TPTE: variants seen among roughly 807,000 people sequenced by gnomAD.
TPTE encodes transmembrane phosphatase with tensin homology, also known as putative tyrosine-protein phosphatase TPTE.
TPTE carries 59 observed loss-of-function variants against 84.1 expected under a neutral mutation model. That is an observed-to-expected ratio of 0.70 (90% CI 0.57 to 0.87). The LOEUF is 0.87. TPTE is among the 40% of genes least tolerant of loss of function. The pLI is 0.00. For synonymous variants in TPTE, 130 were observed against 223.5 expected (o/e 0.58, Z 3.73); for missense variants, 382 against 659.6 (o/e 0.58, Z 4.61).
intron 7 of TPTE, among the ~76,000 whole-genome samples, chr21:10,551,155 CTCA>C (rs1241816324): frequency 2.0e-5 from 3 of 152,428 alleles, no homozygotes; most frequent in African/African-American, 7.2e-5. Flanking sequence ...AGGACATGAA[CTCA>C]TCATTTTTTC....
At chr21:10,552,160 G>T (rs534445619) in intron 7 of TPTE, among the ~76,000 whole-genome samples, 2 of 152,308 alleles carry the variant, frequency 1.3e-5, no homozygotes, top group Admixed American at 1.3e-4. Context: ...TTTAATTAAG[G>T]TATATACATA....
At chr21:10,557,201 T>C (rs1220686951) in intron 8 of TPTE, among the ~76,000 whole-genome samples, 1 of 152,282 alleles carries the variant, frequency 6.6e-6, no homozygotes, top group Non-Finnish European at 1.5e-5. Context: ...TTCGTGTTGC[T>C]TCATGTTGGA....
chr21:10,580,687 A>T (rs565515557), intron 17 of TPTE, among the ~76,000 whole-genome samples: 1 of 152,298 alleles, frequency 6.6e-6, no homozygotes, highest in Admixed American at 6.5e-5. Flanking sequence ...TGGGCTTTGT[A>T]TTCTGTTCCA....
At chr21:10,522,614 A>G (rs364227) in intron 1 of TPTE, among the ~76,000 whole-genome samples, 116,606 of 151,894 alleles carry the variant, frequency 0.77, 40,723 homozygotes, top group Non-Finnish European at 0.88. Context: ...CCAGTTTTTC[A>G]TTTGCTTATT....
At chr21:10,527,172 GAC>G (rs377575461) in intron 2 of TPTE, among the ~76,000 whole-genome samples, 181 bp from the exon 3 acceptor site, 12 of 127,704 alleles carry the variant, frequency 9.4e-5, no homozygotes, top group South Asian at 2.5e-4. Flanking sequence ...CACACACACA[GAC>G]ACACACACAC....
intron 21 of TPTE, among the ~76,000 whole-genome samples, chr21:10,600,950 C>T (rs1311972309): frequency 6.6e-6 from 1 of 152,312 alleles, no homozygotes; most frequent in Non-Finnish European, 1.5e-5. Flanking sequence ...CTCTCCCCCT[C>T]CCTTGGGAGG....
chr21:10,542,403 CA>C lies in TPTE; in HGVS notation c.76del (p.Ser26ValfsTer35). 1 of 1,611,676 alleles carries C rather than the reference CA, an allele frequency of 6.2e-7. No homozygotes were observed. The highest frequency in any genetic ancestry group is 8.5e-7 in the Non-Finnish European group (1 of 1,178,278). On this transcript the variant is annotated frameshift_variant, in exon 6 of 24. Transcript: ENST00000618007. LOFTEE classifies it high-confidence loss of function. Reference sequence around the variant, plus strand: ...CTCTTATCATCCACTAGTCCACAGACAAGTGAATTTAAAGGAGCAACCGAGG... The same window carrying C: ...CTCTTATCATCCACTAGTCCACAGACAGTGAATTTAAAGGAGCAACCGAGG... ...IELGPNDSPQ[T>X]SEFKGATEEA...
At chr21:10,601,372 A>T (rs992377786) in intron 21 of TPTE, among the ~76,000 whole-genome samples, 1 of 152,428 alleles carries the variant, frequency 6.6e-6, no homozygotes, top group African/African-American at 2.4e-5. Flanking sequence ...GCATGGTGGC[A>T]CGTGCCTATA....
intron 14 of TPTE, among the ~76,000 whole-genome samples, chr21:10,573,059 T>TTAAA (rs1555814200): frequency 1.3e-4 from 19 of 146,802 alleles, no homozygotes; most frequent in African/African-American, 4.7e-4. Flanking sequence ...TGCCAAGATT[T>TTAAA]AAAAAAAAAA....
Position 10,584,173 on chromosome 21 carries a change from G to C in TPTE, c.1027+5568G>C, listed in dbSNP as rs376496372. On this transcript the variant is annotated intron_variant, in intron 17 of 23. Transcript: ENST00000618007. ...TCTTTATAATGCTTTCTCATTTTCT[G>C]TATAGAAAGCGTGCATATTTTTGGT... 1.6e-4 allele frequency among the ~76,000 whole-genome samples: 25 copies of C among 152,332 alleles called. No individual in the cohort carries two copies. In the East Asian group the frequency reaches 3.1e-3, roughly 19 times the overall value.
At chr21:10,593,042 T>C (rs1221765530) in intron 19 of TPTE, among the ~76,000 whole-genome samples, 1 of 152,312 alleles carries the variant, frequency 6.6e-6, no homozygotes, top group Non-Finnish European at 1.5e-5. Context: ...TATACAAAAG[T>C]CCAGAGAATC....
At chr21:10,556,974 T>C (rs572427392) in intron 8 of TPTE, among the ~76,000 whole-genome samples, 1 of 152,310 alleles carries the variant, frequency 6.6e-6, no homozygotes, top group African/African-American at 2.4e-5. Context: ...TTCCAAAAAT[T>C]TTCTCCCATT....
At chr21:10,577,128 A>T (rs1287168990) in intron 14 of TPTE, among the ~76,000 whole-genome samples, 4 of 147,854 alleles carry the variant, frequency 2.7e-5, no homozygotes, top group Non-Finnish European at 6.1e-5. Context: ...TATGAATTAG[A>T]TTTAAACAAG....
intron 1 of TPTE, among the ~76,000 whole-genome samples, chr21:10,522,309 G>A (rs1422899196): frequency 2.0e-5 from 3 of 152,256 alleles, no homozygotes; most frequent in African/African-American, 4.8e-5. Context: ...ATTTAGAAGG[G>A]CTTGGGGTGC....
At chr21:10,564,740 G>A (rs1160958481) in intron 10 of TPTE, among the ~76,000 whole-genome samples, 2 of 152,300 alleles carry the variant, frequency 1.3e-5, no homozygotes, top group Non-Finnish European at 2.9e-5. Context: ...ACACAGTAAA[G>A]GATAAAAACC....
intron 14 of TPTE, among the ~76,000 whole-genome samples, chr21:10,576,101 T>C (rs1397702912): frequency 6.6e-6 from 1 of 151,864 alleles, no homozygotes; most frequent in African/African-American, 2.4e-5. Flanking sequence ...ATATAAATCA[T>C]TGTCTTATAA....
intron 8 of TPTE, among the ~76,000 whole-genome samples, chr21:10,552,952 G>C (rs1370092856): frequency 2.0e-5 from 3 of 152,304 alleles, no homozygotes; most frequent in African/African-American, 4.8e-5. Context: ...AATGTAAAAA[G>C]TATTCTTAGA....
intron 17 of TPTE, among the ~76,000 whole-genome samples, chr21:10,587,538 A>C (rs2075388148): frequency 6.6e-6 from 1 of 152,284 alleles, no homozygotes; most frequent in South Asian, 2.1e-4. Flanking sequence ...GATGCTGCAA[A>C]GGAAATGATT....
intron 10 of TPTE, among the ~76,000 whole-genome samples, chr21:10,561,823 G>A (rs1258962158): frequency 5.3e-5 from 8 of 152,308 alleles, no homozygotes; most frequent in African/African-American, 1.9e-4. Flanking sequence ...CATCCTGAAG[G>A]CAAGGACACA....
Sources: allele counts gnomAD v4.1 joint callset (sites outside exome capture counted in the v4.1 genomes callset), GRCh38; gene constraint gnomAD v4.1.1; transcripts MANE v1.5; gene names NCBI Gene and HGNC (gene_info 2026-07-23, HGNC 2026-07-21).